ARSG: variants seen among roughly 807,000 people sequenced by gnomAD.
ARSG encodes the protein arylsulfatase G.
Under a neutral mutation model 50.5 loss-of-function variants are expected in ARSG, and 37 were observed. The observed-to-expected ratio is 0.73, with a 90% CI of 0.56 to 0.96. The LOEUF (loss-of-function observed/expected upper bound fraction) is 0.96, where lower values mean the gene tolerates loss of function less well. ARSG is among the 50% of genes least tolerant of loss of function. The pLI is 0.00. For missense variants in ARSG, 629 were observed against 675.3 expected (o/e 0.93, Z 0.76); for synonymous variants, 225 against 254.6 (o/e 0.88, Z 1.11).
rs185392415 is a variant in ARSG, at chr17:68,408,210, G to A, written c.1303+6760G>A. ...ACATATGTATACATGTGCCATGCTG[G>A]TGTGCTGCACCCATTAACTCGTCAT... On this transcript the variant is annotated intron_variant, in intron 11 of 11. Transcript: ENST00000621439. 1.7e-3 allele frequency among the ~76,000 whole-genome samples: 253 copies of A among 151,572 alleles called. 2 individuals are homozygous for A. Among genetic ancestry groups the A allele is most frequent in the African/African-American group, 5.7e-3 (236 of 41,326 alleles).
intron 3 of ARSG, 26 bp from the exon 4 acceptor site, chr17:68,347,098 GA>G (rs777930473): frequency 9.9e-6 from 16 of 1,613,204 alleles, no homozygotes; most frequent in Admixed American, 3.3e-5. Flanking sequence ...GGATTCCTCT[GA>G]AAATCTCTCT....
At chr17:68,280,542 GTTCAGTCTC>G (rs1440876187) in intron 1 of ARSG, among the ~76,000 whole-genome samples, 1 of 152,316 alleles carries the variant, frequency 6.6e-6, no homozygotes, top group East Asian at 1.9e-4. Flanking sequence ...ATTGGAGAAA[GTTCAGTCTC>G]TTCAATAAAT....
At position 68,411,906 on chromosome 17, in the gene ARSG, G is replaced by A. The variant is rs1280228270; in HGVS notation, c.1304-8283G>A. On this transcript the variant is annotated intron_variant, in intron 11 of 11. Transcript: ENST00000621439. ...GCCTTGTCTCTTTTGATCTTTGTTG[G>A]TTTAAAGTCTGTTTTATCAGAGACT... Among the ~76,000 whole-genome samples, 98 of 151,418 alleles carry A rather than the reference G, an allele frequency of 6.5e-4. 1 individual carries two copies. Among genetic ancestry groups the A allele is most frequent in the Non-Finnish European group, 2.9e-5 (2 of 67,846 alleles).
the ARSG span, chr17:68,433,523 C>A: frequency 6.2e-7 from 1 of 1,613,678 alleles, no homozygotes; most frequent in Non-Finnish European, 8.5e-7. Flanking sequence ...TTACTGGAGG[C>A]GCAGAGGAAT....
intron 6 of ARSG, among the ~76,000 whole-genome samples, chr17:68,357,161 A>G (rs2146497737): frequency 6.6e-6 from 1 of 152,300 alleles, no homozygotes; most frequent in South Asian, 2.1e-4. Context: ...TGTTGAGCTC[A>G]CTAGCTGGCA....
intron 2 of ARSG, among the ~76,000 whole-genome samples, chr17:68,318,101 G>GAAAA (rs57091246): frequency 1.4e-5 from 2 of 147,688 alleles, no homozygotes; most frequent in South Asian, 4.3e-4. Context: ...CTCTGTCTTG[G>GAAAA]AAAAAAAAAA....
intron 1 of ARSG, chr17:68,278,334 GAA>G (rs1341014023): frequency 6.3e-7 from 1 of 1,598,488 alleles, no homozygotes; most frequent in Non-Finnish European, 8.6e-7. Context: ...TAATCTGAAA[GAA>G]AAAGTTAAAA....
intron 2 of ARSG, among the ~76,000 whole-genome samples, chr17:68,326,451 G>A (rs2077507502): frequency 6.6e-6 from 1 of 152,234 alleles, no homozygotes; most frequent in Admixed American, 6.5e-5. Context: ...TGGATCTTGA[G>A]GTCAGGAGTT....
chr17:68,386,855 A>G (rs1600025574), intron 9 of ARSG, among the ~76,000 whole-genome samples: 1 of 152,068 alleles, frequency 6.6e-6, no homozygotes, highest in Non-Finnish European at 1.5e-5. Flanking sequence ...CATCTCATTC[A>G]TAATGTAGGG....
At chr17:68,285,377 C>A (rs782000383) in intron 1 of ARSG, among the ~76,000 whole-genome samples, 4 of 152,198 alleles carry the variant, frequency 2.6e-5, no homozygotes, top group African/African-American at 4.8e-5. Context: ...AGCCTCAAAA[C>A]TCCTGGGCTC....
In ARSG at chr17:68,395,113, G is replaced by C. The variant is rs1352618269; in HGVS notation, c.1132G>C (p.Ala378Pro). Residue 378 changes from alanine (A) to proline (P), a missense_variant, in exon 10 of 12, where the codon GCC becomes CCC. Physicochemically the swap from Ala to Pro is conservative, Grantham distance 27. Coordinates refer to ENST00000621439, the MANE Select transcript of ARSG (RefSeq NM_001267727.2). Reference protein sequence around the residue: ...IFPTVVALAQASLPQGRRFDG... With the variant: ...IFPTVVALAQPSLPQGRRFDG... The stretch of plus-strand genomic sequence containing the variant: ...TCCAACTGTGGTAGCCCTGGCCCAG[G>C]CCAGCTTACCTCAAGGACGGCGCTT... 1.9e-6 allele frequency: 3 copies of C among 1,614,090 alleles called. No individual in the cohort carries two copies. The highest frequency in any genetic ancestry group is 1.1e-5 in the South Asian group (1 of 91,078).
intron 1 of ARSG, among the ~76,000 whole-genome samples, chr17:68,273,370 G>A (rs1488347695): frequency 2.0e-5 from 3 of 151,950 alleles, no homozygotes; most frequent in South Asian, 2.1e-4. Flanking sequence ...CCACAGGCAC[G>A]CACCACCACG....
intron 8 of ARSG, among the ~76,000 whole-genome samples, chr17:68,376,224 C>A (rs1466800402): frequency 1.3e-5 from 2 of 150,918 alleles, no homozygotes; most frequent in Non-Finnish European, 2.9e-5. Context: ...ATTCCCCCCA[C>A]CTCATTCTCC....
chr17:68,328,623 G>A (rs9898599), intron 2 of ARSG, among the ~76,000 whole-genome samples: 38,853 of 152,118 alleles, frequency 0.26, 5,193 homozygotes, highest in South Asian at 0.29. Flanking sequence ...TAGCTCTGTC[G>A]TGGTTGGTTG....
chr17:68,295,996 T>A (rs1490034902), intron 1 of ARSG, among the ~76,000 whole-genome samples: 3 of 152,038 alleles, frequency 2.0e-5, no homozygotes, highest in East Asian at 1.9e-4. Flanking sequence ...TATATATTTT[T>A]AAAAAATTAG....
At chr17:68,321,772 G>A (rs2077292718) in intron 2 of ARSG, among the ~76,000 whole-genome samples, 1 of 152,172 alleles carries the variant, frequency 6.6e-6, no homozygotes, top group Admixed American at 6.5e-5. Flanking sequence ...TTGTTAACAG[G>A]CTGCTGTAAT....
intron 1 of ARSG, among the ~76,000 whole-genome samples, chr17:68,283,347 C>T (rs2075757154): frequency 1.3e-5 from 2 of 151,530 alleles, no homozygotes; most frequent in Non-Finnish European, 2.9e-5. Context: ...GATGAAACCC[C>T]GTCTCTACTA....
At chr17:68,405,717 A>G (rs1024985698) in intron 11 of ARSG, among the ~76,000 whole-genome samples, 6 of 152,306 alleles carry the variant, frequency 3.9e-5, no homozygotes, top group African/African-American at 1.4e-4. Context: ...TATGTGGAAC[A>G]GAAATGGCAA....
chr17:68,397,936 T>C (rs2081315243), intron 10 of ARSG, among the ~76,000 whole-genome samples: 1 of 152,070 alleles, frequency 6.6e-6, no homozygotes, highest in Admixed American at 6.5e-5. Context: ...CTAGATAATT[T>C]TTGTATTTTT....
Sources: allele counts gnomAD v4.1 joint callset (sites outside exome capture counted in the v4.1 genomes callset), GRCh38; gene constraint gnomAD v4.1.1; transcripts MANE v1.5; gene names NCBI Gene and HGNC (gene_info 2026-07-23, HGNC 2026-07-21).